C11orf52: variants seen among roughly 807,000 people sequenced by gnomAD.
C11orf52 encodes uncharacterized protein C11orf52.
Under a neutral mutation model 11.7 loss-of-function variants are expected in C11orf52, and 9 were observed. That is an observed-to-expected ratio of 0.77 (90% CI 0.46 to 1.34). The LOEUF (loss-of-function observed/expected upper bound fraction) is 1.34. C11orf52 is among the 40% of genes most tolerant of loss of function. C11orf52 has a pLI of 0.00. For synonymous variants in C11orf52, 49 were observed against 57.4 expected (o/e 0.85, Z 0.66); for missense variants, 139 against 154.8 (o/e 0.90, Z 0.54).
intron 1 of C11orf52, among the ~76,000 whole-genome samples, chr11:111,919,484 C>CA (rs146540775): frequency 0.098 from 14,814 of 150,746 alleles, 936 homozygotes; most frequent in Middle Eastern, 0.15. Context: ...ACAACAACAA[C>CA]AAAAAAAAAC....
intron 1 of C11orf52, among the ~76,000 whole-genome samples, chr11:111,919,484 CAA>C (rs146540775): frequency 6.6e-6 from 1 of 150,668 alleles, no homozygotes; most frequent in Non-Finnish European, 1.5e-5. Flanking sequence ...ACAACAACAA[CAA>C]AAAAAAACAG....
chr11:111,924,055 T>C (rs1965744807), intron 1 of C11orf52, among the ~76,000 whole-genome samples: 1 of 152,204 alleles, frequency 6.6e-6, no homozygotes, highest in East Asian at 1.9e-4. Flanking sequence ...GCCAGATACA[T>C]CCCTGGCATG....
chr11:111,919,007 G>A lies in C11orf52; in HGVS notation c.32+3G>A. 3.1e-6 allele frequency: 5 copies of A among 1,614,194 alleles called. No homozygotes were observed. Among genetic ancestry groups the A allele is most frequent in the East Asian group, 4.5e-5 (2 of 44,888 alleles). On this transcript the variant is annotated splice_donor_region_variant and intron_variant, in intron 1 of 3. Coordinates refer to ENST00000278601, the MANE Select transcript of C11orf52 (RefSeq NM_080659.3). Reference sequence around the variant, plus strand: ...CGGGTCTGCTGCGGAGGAAGCTGGTGAGTAGGCTGGAAGGGCAAAGGGGAA... The same window carrying A: ...CGGGTCTGCTGCGGAGGAAGCTGGTAAGTAGGCTGGAAGGGCAAAGGGGAA...
At chr11:111,925,772 C>A in intron 3 of C11orf52, 58 bp downstream of exon 3, 2 of 1,598,978 alleles carry the variant, frequency 1.3e-6, no homozygotes, top group South Asian at 2.2e-5. Flanking sequence ...TCCCAGTAGT[C>A]AGCTCTTTTG....
chr11:111,922,819 T>C (rs1422715002), intron 1 of C11orf52, among the ~76,000 whole-genome samples: 2 of 152,258 alleles, frequency 1.3e-5, no homozygotes, highest in African/African-American at 2.4e-5. Flanking sequence ...TCAGAGGGTA[T>C]ACACATTTAT....
chr11:111,924,241 T>C, intron 1 of C11orf52, 85 bp from the exon 2 acceptor site: 3 of 1,329,620 alleles, frequency 2.3e-6, no homozygotes, highest in Admixed American at 1.9e-5. Context: ...ATCAGAATGT[T>C]AAGGAGACCA....
chr11:111,926,017 G>C lies in C11orf52; in HGVS notation c.190G>C (p.Glu64Gln). The C allele has an allele frequency of 6.2e-7, 1 of 1,614,260 alleles. No individual in the cohort carries two copies. Among genetic ancestry groups the C allele is most frequent in the South Asian group, 1.1e-5 (1 of 91,086 alleles). ...ERVLQQQGSQ[E>Q]RSPGLMSEDS... ...GGTGTTACAGCAGCAAGGGTCTCAA[G>C]AGAGGAGTCCAGGCCTCATGTCGGA... Residue 64 changes from glutamate (E) to glutamine (Q), a missense_variant, in exon 4 of 4, where the codon GAG (glutamate) becomes CAG (glutamine). Physicochemically the swap from Glu to Gln is conservative, Grantham distance 29. Transcript: ENST00000278601.
At chr11:111,921,980 G>A (rs1205675092) in intron 1 of C11orf52, among the ~76,000 whole-genome samples, 5 of 152,214 alleles carry the variant, frequency 3.3e-5, no homozygotes, top group Admixed American at 1.3e-4. Context: ...TTACAGGTGC[G>A]TGCCACCACG....
At chr11:111,919,301 C>G in intron 1 of C11orf52, 1 of 341,850 alleles carries the variant, frequency 2.9e-6, no homozygotes, top group Non-Finnish European at 5.6e-6. Context: ...GGTGAAACCC[C>G]GTCTCTACTG....
chr11:111,920,178 G>A (rs1555166401), intron 1 of C11orf52, among the ~76,000 whole-genome samples: 2 of 151,986 alleles, frequency 1.3e-5, no homozygotes, highest in Non-Finnish European at 1.5e-5. Flanking sequence ...CTGGGTGACA[G>A]AGCAAGACTC....
rs1018603427 is a variant in C11orf52 at position 111,918,915 on chromosome 11, A to G, written c.-58A>G. 3.1e-6 allele frequency: 5 copies of G among 1,604,996 alleles called. No individual in the cohort carries two copies. In the African/African-American group the frequency reaches 6.7e-5, roughly 21 times the overall value. ...GCGGAAAGCTCAACCAGGAACCCGG[A>G]AATGCACAAGCCTCTTGATGCATAA... On this transcript the variant is annotated 5_prime_UTR_variant, in exon 1 of 4. Coordinates refer to ENST00000278601, the MANE Select transcript of C11orf52 (RefSeq NM_080659.3).
chr11:111,924,201 A>G, intron 1 of C11orf52, 125 bp from the exon 2 acceptor site: 1 of 886,240 alleles, frequency 1.1e-6, no homozygotes, highest in Non-Finnish European at 1.8e-6. Context: ...CTCAGGGTGA[A>G]TCTTTGTTAG....
At chr11:111,920,731 T>G (rs1965683028) in intron 1 of C11orf52, among the ~76,000 whole-genome samples, 1 of 152,002 alleles carries the variant, frequency 6.6e-6, no homozygotes. Flanking sequence ...ACCACTGCAC[T>G]CCAGTGTGGG....
At chr11:111,925,924 C>T (rs1555166909) in intron 3 of C11orf52, 36 bp from the exon 4 acceptor site, 1 of 1,610,972 alleles carries the variant, frequency 6.2e-7, no homozygotes, top group African/African-American at 1.3e-5. Flanking sequence ...CAAAACCAAG[C>T]CATGAATCTC....
chr11:111,925,982 C>G lies in C11orf52; in HGVS notation c.155C>G (p.Thr52Arg). 1.9e-6 allele frequency: 3 copies of G among 1,614,196 alleles called. No homozygotes were observed. The highest frequency in any genetic ancestry group is 2.5e-6 in the Non-Finnish European group (3 of 1,180,018). ...CAGGGCCATGAAACAACAGGACATACGTATGAACGGGTGTTACAGCAGCAA... is the reference window on the plus strand; with the variant it reads ...CAGGGCCATGAAACAACAGGACATAGGTATGAACGGGTGTTACAGCAGCAA... ...LPKGHETTGH[T>R]YERVLQQQGS... The change falls in exon 4 of 4, where the codon ACG becomes AGG. Residue 52 changes from threonine (T) to arginine (R), a missense_variant. Thr to Arg is a moderately conservative substitution (Grantham distance 71, BLOSUM62 -1). Coordinates refer to ENST00000278601, the MANE Select transcript of C11orf52 (RefSeq NM_080659.3).
In C11orf52 at chr11:111,925,819, T is replaced by C. The variant is rs879986779; in HGVS notation, c.132+105T>C. 3 of 1,565,084 alleles carry C rather than the reference T, an allele frequency of 1.9e-6. No individual in the cohort carries two copies. In the Admixed American group the frequency reaches 5.3e-5, roughly 28 times the overall value. On this transcript the variant is annotated intron_variant, in intron 3 of 3. Transcript: ENST00000278601. Reference sequence around the variant, plus strand: ...ACACATTTCAGTCACCTGTAGAATTTGCTGGCTCTGTCTGTCCTCCTCTGT... The same window carrying C: ...ACACATTTCAGTCACCTGTAGAATTCGCTGGCTCTGTCTGTCCTCCTCTGT...
chr11:111,925,261 C>T (rs1965771303), intron 2 of C11orf52, among the ~76,000 whole-genome samples: 1 of 151,916 alleles, frequency 6.6e-6, no homozygotes, highest in Non-Finnish European at 1.5e-5. Context: ...GAGCACTTCC[C>T]ACCTTGCATT....
Position 111,918,955 on chromosome 11 carries a change from C to T in C11orf52, c.-18C>T. 6.2e-7 allele frequency: 1 copy of T among 1,614,168 alleles called. No individual in the cohort carries two copies. The highest frequency in any genetic ancestry group is 8.5e-7 in the Non-Finnish European group (1 of 1,180,044). ...TTGATGCATAAAAACAGCTGGGCTC[C>T]CTTGGAGACAGAGCGCCATGGGAAA... On this transcript the variant is annotated 5_prime_UTR_variant, in exon 1 of 4. Coordinates refer to ENST00000278601, the MANE Select transcript of C11orf52 (RefSeq NM_080659.3).
chr11:111,926,767 T>A lies in C11orf52; in HGVS notation c.*568T>A, dbSNP rs1349471475. The A allele has an allele frequency of 6.4e-6, 1 of 157,276 alleles. No individual in the cohort carries two copies. The highest frequency in any genetic ancestry group is 1.4e-5 in the Non-Finnish European group (1 of 71,054). 9.7% of individuals were successfully genotyped at this position (157,276 alleles called of 1,614,324 possible). The stretch of plus-strand genomic sequence containing the variant: ...GAGGAAACGCTTTCAGGACCTCAAG[T>A]CAGTGATAACCGACAGCACAGTGAG... On this transcript the variant is annotated 3_prime_UTR_variant, in exon 4 of 4. Coordinates refer to ENST00000278601, the MANE Select transcript of C11orf52 (RefSeq NM_080659.3).
Sources: gnomAD v4.1 joint callset for allele counts (sites outside exome capture counted in the v4.1 genomes callset) on GRCh38, gnomAD v4.1.1 for gene constraint, MANE v1.5 for transcripts, NCBI Gene and HGNC (gene_info 2026-07-23, HGNC 2026-07-21) for gene names.